Variants in CLMP observed in about 807,000 individuals in gnomAD.
CLMP encodes CXADR like cell adhesion molecule.
CLMP carries 27 observed loss-of-function variants against 45.2 expected under a neutral mutation model. That is an observed-to-expected ratio of 0.60 (90% confidence interval 0.44 to 0.82). The LOEUF (loss-of-function observed/expected upper bound fraction) is 0.82. Ranked by LOEUF, CLMP falls within the 40% of genes least tolerant of loss-of-function variation. The pLI is 0.00. For missense variants in CLMP, 403 were observed against 448.4 expected, an observed-to-expected ratio of 0.90 and a Z score of 0.91; for synonymous variants, 167 against 171.4, an observed-to-expected ratio of 0.97 and a Z score of 0.20.
At chr11:123,103,544 G>C (rs1030709066) in intron 1 of CLMP, among the ~76,000 whole-genome samples, 18 of 151,992 alleles carry the variant, frequency 1.2e-4, no homozygotes, top group Admixed American at 1.1e-3. Flanking sequence ...GCAGGGAGGA[G>C]CCCCTCTGTG....
In CLMP at chr11:123,115,586, G is replaced by GA. The variant is rs199560448; in HGVS notation, c.29-17635dup. ...TATATGATTCCAGGGTACAGAAACA[G>GA]AAAAAAAAAATCTGTGCTGTTAGAA... On this transcript the variant is annotated intron_variant, in intron 1 of 6. Coordinates refer to ENST00000448775, the MANE Select transcript of CLMP (RefSeq NM_024769.5). 8.3e-3 allele frequency among the ~76,000 whole-genome samples: 1,242 copies of GA among 149,444 alleles called. 15 individuals are homozygous for GA. Among genetic ancestry groups the GA allele is most frequent in the African/African-American group, 0.027 (1,099 of 40,846 alleles).
intron 2 of CLMP, among the ~76,000 whole-genome samples, chr11:123,097,334 T>TTTTCTTTC (rs113269566): frequency 0.073 from 11,127 of 151,442 alleles, 494 homozygotes; most frequent in East Asian, 0.15. Flanking sequence ...TCTGGCTAAT[T>TTTTCTTTC]TTTCTTTCTT....
chr11:123,077,394 C>T (rs761498878), intron 5 of CLMP, among the ~76,000 whole-genome samples: 2 of 152,074 alleles, frequency 1.3e-5, no homozygotes, highest in African/African-American at 4.8e-5. Context: ...TGCAATGGTG[C>T]GATCTTGGCT....
At chr11:123,109,378 C>T (rs898844712) in intron 1 of CLMP, among the ~76,000 whole-genome samples, 1 of 149,068 alleles carries the variant, frequency 6.7e-6, no homozygotes, top group Non-Finnish European at 1.5e-5. Flanking sequence ...GATCTGAGCC[C>T]GTGAGAGCCA....
At position 123,137,154 on chromosome 11, in the gene CLMP, T is replaced by C. The variant is rs1015762487; in HGVS notation, c.29-39202A>G. ...TTCTCTTTTTTTCTTTTTCTTTTTT[T>C]TTTTTTTTTTTTTTTTTGAGATGGA... On this transcript the variant is annotated intron_variant, in intron 1 of 6. Coordinates refer to ENST00000448775, the MANE Select transcript of CLMP (RefSeq NM_024769.5). Among the ~76,000 whole-genome samples, 847 of 88,730 alleles carry C rather than the reference T, an allele frequency of 9.5e-3. 2 individuals are homozygous for C. The highest frequency in any genetic ancestry group is 0.052 in the East Asian group (206 of 3,978). 58.2% of individuals were successfully genotyped at this position (88,730 alleles called of 152,430 possible).
chr11:123,163,373 G>A (rs1861512762), intron 1 of CLMP, among the ~76,000 whole-genome samples: 1 of 152,212 alleles, frequency 6.6e-6, no homozygotes, highest in Non-Finnish European at 1.5e-5. Context: ...AGAAAGACAG[G>A]CTACAGGTAG....
intron 1 of CLMP, among the ~76,000 whole-genome samples, chr11:123,109,725 A>G (rs899858023): frequency 8.5e-5 from 13 of 152,198 alleles, no homozygotes; most frequent in African/African-American, 3.1e-4. Flanking sequence ...CCTGGAGGAC[A>G]TGGGGAACCA....
intron 2 of CLMP, among the ~76,000 whole-genome samples, chr11:123,086,660 C>G (rs1164975492): frequency 6.6e-6 from 1 of 152,210 alleles, no homozygotes; most frequent in East Asian, 1.9e-4. Context: ...GCTTTAGGCA[C>G]AGATGGGGAA....
intron 1 of CLMP, among the ~76,000 whole-genome samples, chr11:123,119,154 G>C (rs1565388178): frequency 2.0e-5 from 3 of 147,010 alleles, no homozygotes; most frequent in South Asian, 4.3e-4. Context: ...CATGATCTTG[G>C]CTCACCACAA....
At chr11:123,134,153 G>A (rs866822479) in intron 1 of CLMP, among the ~76,000 whole-genome samples, 10 of 151,228 alleles carry the variant, frequency 6.6e-5, no homozygotes, top group South Asian at 2.1e-4. Context: ...CCAGCTACTC[G>A]GGAGGCTGAG....
chr11:123,115,807 C>T (rs982666063), intron 1 of CLMP, among the ~76,000 whole-genome samples: 3 of 152,116 alleles, frequency 2.0e-5, no homozygotes, highest in African/African-American at 7.2e-5. Flanking sequence ...TCTATTGCTG[C>T]ATACCAAATT....
chr11:123,111,421 A>G (rs1860636787), intron 1 of CLMP, among the ~76,000 whole-genome samples: 1 of 152,098 alleles, frequency 6.6e-6, no homozygotes, highest in Admixed American at 6.6e-5. Flanking sequence ...GTGAGCCACC[A>G]TGCCCGGCCA....
intron 2 of CLMP, among the ~76,000 whole-genome samples, chr11:123,097,499 G>A (rs367898793): frequency 2.6e-4 from 39 of 151,778 alleles, no homozygotes; most frequent in Admixed American, 1.1e-3. Flanking sequence ...CACCACACCC[G>A]GCTATTATTA....
At chr11:123,086,520 GCT>G (rs1331962598) in intron 2 of CLMP, among the ~76,000 whole-genome samples, 5 of 152,192 alleles carry the variant, frequency 3.3e-5, no homozygotes. Flanking sequence ...TTGCTCCACA[GCT>G]CTTCAGAGCC....
intron 1 of CLMP, among the ~76,000 whole-genome samples, chr11:123,153,773 C>G: frequency 6.6e-6 from 1 of 152,052 alleles, no homozygotes; most frequent in African/African-American, 2.4e-5. Context: ...GCCTCGACCT[C>G]CTGGGTTCAT....
At chr11:123,184,888 C>T (rs769818428) in intron 1 of CLMP, among the ~76,000 whole-genome samples, 15 of 152,182 alleles carry the variant, frequency 9.9e-5, no homozygotes, top group Non-Finnish European at 2.1e-4. Context: ...CCTGACAATA[C>T]GACACTGTTC....
At chr11:123,182,010 C>T (rs1404317629) in intron 1 of CLMP, among the ~76,000 whole-genome samples, 1 of 152,332 alleles carries the variant, frequency 6.6e-6, no homozygotes, top group Non-Finnish European at 1.5e-5. Context: ...TCTTTTAGTT[C>T]AAGGCTGCTC....
chr11:123,115,599 T>C (rs11607965), intron 1 of CLMP, among the ~76,000 whole-genome samples: 31,078 of 151,826 alleles, frequency 0.2, 3,288 homozygotes, highest in Admixed American at 0.28. Flanking sequence ...AAAAAAAATC[T>C]GTGCTGTTAG....
At chr11:123,119,537 T>A (rs1860783955) in intron 1 of CLMP, among the ~76,000 whole-genome samples, 1 of 152,160 alleles carries the variant, frequency 6.6e-6, no homozygotes, top group African/African-American at 2.4e-5. Context: ...ATTATTAGCA[T>A]CCCTTAAAAA....
Sources: gnomAD v4.1 joint callset for allele counts (sites outside exome capture counted in the v4.1 genomes callset) on GRCh38, gnomAD v4.1.1 for gene constraint, MANE v1.5 for transcripts, NCBI Gene and HGNC (gene_info 2026-07-23, HGNC 2026-07-21) for gene names.